The following C1orf21 variants were observed in gnomAD, a reference collection of about 807,000 sequenced individuals.
The protein encoded by C1orf21 is chromosome 1 open reading frame 21.
In C1orf21, 3 loss-of-function variants were observed where a neutral mutation model predicts 18.7. That is an observed-to-expected ratio of 0.16 (90% CI 0.07 to 0.42). The LOEUF is 0.42. C1orf21 is among the 10% of genes least tolerant of loss of function. The pLI is 0.99. For synonymous variants in C1orf21, 41 were observed against 46.4 expected (o/e 0.88, Z 0.47); for missense variants, 104 against 143.6 (o/e 0.72, Z 1.41).
chr1:184,460,713 C>CTTT (rs11393803), intron 1 of C1orf21, among the ~76,000 whole-genome samples: 7 of 90,692 alleles, frequency 7.7e-5, no homozygotes, highest in Admixed American at 1.1e-4. Context: ...TCTCTTCTTC[C>CTTT]TTTTTTTTTT....
At chr1:184,559,879 A>G (rs1658937785) in intron 3 of C1orf21, among the ~76,000 whole-genome samples, 1 of 151,940 alleles carries the variant, frequency 6.6e-6, no homozygotes, top group South Asian at 2.1e-4. Context: ...AGCCTCCCAA[A>G]GTGCTAGGAT....
chr1:184,453,233 G>A (rs1657149845), intron 1 of C1orf21, among the ~76,000 whole-genome samples: 1 of 152,176 alleles, frequency 6.6e-6, no homozygotes, highest in Admixed American at 6.5e-5. Context: ...TGAGTGGAAG[G>A]GAGAATGCAA....
intron 2 of C1orf21, among the ~76,000 whole-genome samples, chr1:184,492,745 G>A (rs1335521748): frequency 1.3e-5 from 2 of 152,200 alleles, no homozygotes; most frequent in Non-Finnish European, 2.9e-5. Flanking sequence ...TGCAGCTGCT[G>A]CTAGTCAGTG....
chr1:184,460,614 G>GTCTTCT (rs1176335646), intron 1 of C1orf21, among the ~76,000 whole-genome samples: 19 of 127,268 alleles, frequency 1.5e-4, no homozygotes, highest in African/African-American at 7.0e-4. Context: ...TAGTATTGTC[G>GTCTTCT]TCGTCGTCTT....
intron 3 of C1orf21, among the ~76,000 whole-genome samples, chr1:184,570,090 G>A (rs1289287027): frequency 3.9e-5 from 6 of 152,172 alleles, no homozygotes; most frequent in African/African-American, 1.4e-4. Flanking sequence ...CCTAGAACAA[G>A]GAATTAGGTA....
rs1557965075 is a variant in C1orf21 at position 184,410,647 on chromosome 1, ATATATATATATATATATTTT to A, written c.-125+23281_-125+23300del. On this transcript the variant is annotated intron_variant, in intron 1 of 5. Coordinates refer to ENST00000235307, the MANE Select transcript of C1orf21 (RefSeq NM_030806.4). Reference sequence around the variant, plus strand: ...TATATATATATATATATATATATATATATATATATATATATATTTTTTTTTTTTTTTTTTGAGATGGAGTT... The same window carrying A: ...TATATATATATATATATATATATATATTTTTTTTTTTTTTGAGATGGAGTT... 9.6e-4 allele frequency among the ~76,000 whole-genome samples: 5 copies of A among 5,204 alleles called. 2 individuals carry two copies. The African/African-American group carries it at 0.021, about 22-fold the overall frequency. The allele number at this position is 5,204 out of a possible 152,430, so 3.4% of individuals were successfully genotyped here.
At chr1:184,603,046 A>C (rs1372723473) in intron 5 of C1orf21, among the ~76,000 whole-genome samples, 2 of 152,232 alleles carry the variant, frequency 1.3e-5, no homozygotes, top group African/African-American at 4.8e-5. Context: ...GAAAATGCAC[A>C]AATCATATAC....
intron 3 of C1orf21, among the ~76,000 whole-genome samples, chr1:184,537,596 T>C (rs1316379499): frequency 6.6e-6 from 1 of 152,230 alleles, no homozygotes; most frequent in Non-Finnish European, 1.5e-5. Context: ...TGAATAATGC[T>C]GCTTTGAACA....
At chr1:184,544,947 A>C (rs2144294) in intron 3 of C1orf21, among the ~76,000 whole-genome samples, 78,378 of 152,062 alleles carry the variant, frequency 0.52, 20,610 homozygotes, top group African/African-American at 0.64. Context: ...GCTTCTTTCA[A>C]AGCATATAAA....
At chr1:184,539,356 G>A (rs1357971113) in intron 3 of C1orf21, among the ~76,000 whole-genome samples, 1 of 152,078 alleles carries the variant, frequency 6.6e-6, no homozygotes, top group Non-Finnish European at 1.5e-5. Context: ...CTTGGTCATG[G>A]TGTATAATCT....
At chr1:184,456,428 C>T (rs1239651140) in intron 1 of C1orf21, among the ~76,000 whole-genome samples, 2 of 152,104 alleles carry the variant, frequency 1.3e-5, no homozygotes, top group Admixed American at 1.3e-4. Context: ...ATTTAACTTC[C>T]TCTTTAATTA....
chr1:184,596,179 G>A (rs190090192), intron 4 of C1orf21, among the ~76,000 whole-genome samples: 34 of 152,196 alleles, frequency 2.2e-4, no homozygotes, highest in Non-Finnish European at 4.3e-4. Context: ...CTGACCAAAC[G>A]TTGCAGTTTT....
intron 3 of C1orf21, among the ~76,000 whole-genome samples, chr1:184,541,823 C>T (rs745886450): frequency 6.6e-6 from 1 of 152,144 alleles, no homozygotes; most frequent in African/African-American, 2.4e-5. Flanking sequence ...CCAGGGGGAT[C>T]ACGGACTGGC....
intron 5 of C1orf21, among the ~76,000 whole-genome samples, chr1:184,617,583 A>G (rs1008866811): frequency 6.6e-6 from 1 of 152,216 alleles, no homozygotes; most frequent in Non-Finnish European, 1.5e-5. Flanking sequence ...CTGCTTGGGC[A>G]GTGTCACCAG....
At chr1:184,615,939 G>A (rs963209903) in intron 5 of C1orf21, among the ~76,000 whole-genome samples, 11 of 152,114 alleles carry the variant, frequency 7.2e-5, no homozygotes, top group Admixed American at 2.0e-4. Context: ...CTTTGTGTTG[G>A]AAACATTTCA....
intron 1 of C1orf21, among the ~76,000 whole-genome samples, chr1:184,449,073 A>G (rs1037654800): frequency 3.9e-5 from 6 of 152,094 alleles, no homozygotes; most frequent in African/African-American, 1.5e-4. Flanking sequence ...ATTATACTTT[A>G]AGTTCTAGTG....
intron 1 of C1orf21, among the ~76,000 whole-genome samples, chr1:184,444,604 C>G (rs1013215247): frequency 6.6e-6 from 1 of 152,076 alleles, no homozygotes; most frequent in Non-Finnish European, 1.5e-5. Flanking sequence ...ACTAATACAA[C>G]TGGGTTTCAG....
At chr1:184,476,665 G>T (rs112886329) in intron 1 of C1orf21, among the ~76,000 whole-genome samples, 1 of 152,112 alleles carries the variant, frequency 6.6e-6, no homozygotes, top group African/African-American at 2.4e-5. Context: ...TGAAGTTTAC[G>T]CCAAAAGCTT....
intron 1 of C1orf21, among the ~76,000 whole-genome samples, chr1:184,399,161 G>A (rs1359765347): frequency 6.6e-6 from 1 of 151,724 alleles, no homozygotes; most frequent in Non-Finnish European, 1.5e-5. Flanking sequence ...TCCTTCTCTG[G>A]AAGTTTATTT....
Sources: gnomAD v4.1 joint callset for allele counts (sites outside exome capture counted in the v4.1 genomes callset) on GRCh38, gnomAD v4.1.1 for gene constraint, MANE v1.5 for transcripts, NCBI Gene and HGNC (gene_info 2026-07-23, HGNC 2026-07-21) for gene names.